DNAH2: variants seen among roughly 807,000 people sequenced by gnomAD.
The protein encoded by DNAH2 is dynein axonemal heavy chain 2.
A neutral mutation model predicts 523.5 loss-of-function variants in DNAH2; 323 were observed. The ratio of observed to expected loss-of-function variants is 0.62; its 90% CI spans 0.56 to 0.68. The LOEUF (loss-of-function observed/expected upper bound fraction) is 0.68, where lower values mean the gene tolerates loss of function less well. Ranked by LOEUF, DNAH2 falls within the 30% of genes least tolerant of loss-of-function variation. The pLI is 0.00. For synonymous variants in DNAH2, 2,093 were observed against 2,177.4 expected (o/e 0.96, Z 1.08); for missense variants, 4,907 against 5,701.5 (o/e 0.86, Z 4.49).
intron 4 of DNAH2, among the ~76,000 whole-genome samples, chr17:7,728,064 G>A (rs2074878779): frequency 6.6e-6 from 1 of 152,146 alleles, no homozygotes; most frequent in African/African-American, 2.4e-5. Context: ...CTTATGAAGG[G>A]CCTTGTATAT....
chr17:7,774,660 C>T, intron 28 of DNAH2, 99 bp from the exon 29 acceptor site: 1 of 1,034,820 alleles, frequency 9.7e-7, no homozygotes, highest in Admixed American at 2.4e-5. Context: ...GTCTGTGCCC[C>T]ACTGTTCAAG....
At chr17:7,731,415 T>C (rs1176018896) in intron 4 of DNAH2, among the ~76,000 whole-genome samples, 2 of 152,070 alleles carry the variant, frequency 1.3e-5, no homozygotes, top group African/African-American at 4.8e-5. Flanking sequence ...AAACATTTAT[T>C]TGAAGCTCAG....
rs1320173257 is a variant in DNAH2, at chr17:7,743,012, G to A, written c.1774G>A (p.Asp592Asn). The A allele has an allele frequency of 6.6e-7, 1 of 1,523,210 alleles. No homozygotes were observed. The highest frequency in any genetic ancestry group is 8.8e-7 in the Non-Finnish European group (1 of 1,139,558). 94.4% of individuals were successfully genotyped at this position (1,523,210 alleles called of 1,614,324 possible). Residue 592 changes from aspartate (D) to asparagine (N), a missense_variant, in exon 12 of 86, where the codon GAT (aspartate) becomes AAT (asparagine). By Grantham distance (23) the Asp-to-Asn change is conservative. Around this residue, in one of 3 missense-constraint regions of DNAH2, gnomAD observed 2,806 missense variants for 3,190.8 expected, o/e 0.88. Coordinates refer to ENST00000572933, the MANE Select transcript of DNAH2 (RefSeq NM_020877.5). ...HTYQQMVQAI[D>N]ELVRKTFQEW... ...CTATCAGCAGATGGTCCAGGCCATT[G>A]ATGAGCTGGTTCGAAAAACCTTCCA... is the stretch of plus-strand genomic sequence containing the variant.
chr17:7,829,349 C>T (rs73232390), intron 77 of DNAH2, among the ~76,000 whole-genome samples: 2,463 of 152,254 alleles, frequency 0.016, 61 homozygotes, highest in African/African-American at 0.055. Context: ...CATCTATCCA[C>T]GGCCCTCCTC....
intron 4 of DNAH2, among the ~76,000 whole-genome samples, chr17:7,730,655 G>A (rs879568082): frequency 1.3e-5 from 2 of 152,136 alleles, no homozygotes; most frequent in Non-Finnish European, 2.9e-5. Context: ...CAAATTAAGA[G>A]ACATATTGGG....
At chr17:7,723,031 G>A (rs537696527) in intron 2 of DNAH2, among the ~76,000 whole-genome samples, 6 of 140,034 alleles carry the variant, frequency 4.3e-5, no homozygotes, top group Non-Finnish European at 7.6e-5. Flanking sequence ...GTGCAGTGGC[G>A]CAATCTCGGC....
At position 7,823,950 on chromosome 17, in the gene DNAH2, T is replaced by A; in HGVS notation, c.11446T>A (p.Phe3816Ile). The change falls in exon 75 of 86, where the codon TTC becomes ATC. Residue 3816 changes from phenylalanine to isoleucine, a missense_variant. By Grantham distance (21) the Phe-to-Ile change is conservative (BLOSUM62 0). Coordinates refer to ENST00000572933, the MANE Select transcript of DNAH2 (RefSeq NM_020877.5). The stretch of plus-strand genomic sequence containing the variant: ...CATCATCACCAACCTTGGCTCCCGC[T>A]TCATCGAGCCGCCTGTGCTGAATAT... ...SFIITNLGSR[F>I]IEPPVLNMKS... 1 of 1,613,826 alleles carries A rather than the reference T, an allele frequency of 6.2e-7. No homozygotes were observed. The highest frequency in any genetic ancestry group is 8.5e-7 in the Non-Finnish European group (1 of 1,180,032).
intron 22 of DNAH2, 80 bp downstream of exon 22, chr17:7,766,561 G>T: frequency 6.9e-7 from 1 of 1,459,056 alleles, no homozygotes; most frequent in Non-Finnish European, 9.2e-7. Context: ...CGCCCACAAA[G>T]GCAGTGGGAA....
In DNAH2 at chr17:7,831,127, G is replaced by T. The variant is rs966807813; in HGVS notation, c.12272G>T (p.Ser4091Ile). The T allele has an allele frequency of 6.2e-7, 1 of 1,614,022 alleles. No individual in the cohort carries two copies. The highest frequency in any genetic ancestry group is 1.7e-5 in the Admixed American group (1 of 60,028). ...LETYFIPKDGSLASYKEYISL... is the reference protein window; with the variant it reads ...LETYFIPKDGILASYKEYISL... ...ACTTATTTCATCCCCAAGGATGGCA[G>T]CCTCGCTTCTTACAAGGAATACATC... Residue 4091 changes from serine to isoleucine, a missense_variant, in exon 80 of 86, where the codon AGC becomes ATC. Coordinates refer to ENST00000572933, the MANE Select transcript of DNAH2 (RefSeq NM_020877.5). This position sits in a 1 kb window ranked among gnomAD's most constrained non-coding sequence, Gnocchi z 4.2.
intron 3 of DNAH2, among the ~76,000 whole-genome samples, chr17:7,724,759 T>TTTTTTTTA (rs2074741583): frequency 6.6e-6 from 1 of 150,594 alleles, no homozygotes. Context: ...TTTTTTTTTC[T>TTTTTTTTA]GAGATGGAGT....
chr17:7,738,533 G>T (rs2075210278), intron 8 of DNAH2, among the ~76,000 whole-genome samples: 1 of 152,066 alleles, frequency 6.6e-6, no homozygotes, highest in South Asian at 2.1e-4. Context: ...GTTTCACCGT[G>T]TTAGCCAGGG....
intron 61 of DNAH2, 51 bp downstream of exon 61, chr17:7,805,444 G>A: frequency 6.2e-7 from 1 of 1,610,576 alleles, no homozygotes; most frequent in African/African-American, 1.3e-5. Context: ...AGTGTTTATT[G>A]ATCGTCGGCT....
At chr17:7,735,856 G>T (rs544701915) in intron 7 of DNAH2, among the ~76,000 whole-genome samples, 2 of 151,934 alleles carry the variant, frequency 1.3e-5, no homozygotes, top group Non-Finnish European at 2.9e-5. Flanking sequence ...GGGTTCAAGC[G>T]ATTCTCCTGC....
intron 75 of DNAH2, 23 bp downstream of exon 75, chr17:7,824,005 C>A: frequency 6.2e-7 from 1 of 1,606,768 alleles, no homozygotes; most frequent in Non-Finnish European, 8.5e-7. Context: ...GCTTCCTTGT[C>A]CCCACGGCCC....
intron 24 of DNAH2, 121 bp downstream of exon 24, chr17:7,768,388 T>C (rs907070617): frequency 7.5e-6 from 7 of 931,430 alleles, no homozygotes; most frequent in Non-Finnish European, 1.1e-5. Flanking sequence ...TGTCCACAAA[T>C]GTATGTCTTT....
chr17:7,821,384 G>A lies in DNAH2; in HGVS notation c.11142+15G>A, dbSNP rs369363185. The A allele has an allele frequency of 1.9e-6, 3 of 1,610,494 alleles. No homozygotes were observed. In the South Asian group the frequency reaches 3.3e-5, roughly 18 times the overall value. On this transcript the variant is annotated intron_variant, in intron 73 of 85. Coordinates refer to ENST00000572933, the MANE Select transcript of DNAH2 (RefSeq NM_020877.5). This position sits in a 1 kb window ranked among gnomAD's most constrained non-coding sequence, Gnocchi z 5.0. Reference sequence around the variant, plus strand: ...GTGGGGGTGTGGTGAGTTGGGCAGAGAGCACATCCCAGGATGGGATGGTCA... The same window carrying A: ...GTGGGGGTGTGGTGAGTTGGGCAGAAAGCACATCCCAGGATGGGATGGTCA...
At position 7,771,311 on chromosome 17, in the gene DNAH2, C is replaced by T. The variant is rs781437686; in HGVS notation, c.4363-19C>T. The T allele has an allele frequency of 1.2e-6, 2 of 1,614,024 alleles. No individual in the cohort carries two copies. The highest frequency in any genetic ancestry group is 2.2e-5 in the East Asian group (1 of 44,882). ...GTGTGTAAGAAGTGGCCTCTCACCC[C>T]AACTTTTGGCCCCCTCAGAATATCT... On this transcript the variant is annotated intron_variant, in intron 27 of 85. Coordinates refer to ENST00000572933, the MANE Select transcript of DNAH2 (RefSeq NM_020877.5).
rs1430389164 is a variant in DNAH2, at chr17:7,830,739, A to G, written c.12127A>G (p.Ile4043Val). Residue 4043 changes from isoleucine (I) to valine (V), a missense_variant, in exon 79 of 86, where the codon ATC becomes GTC. This residue lies in a region of DNAH2 where 1,851 missense variants were observed against 2,139.4 expected (regional missense o/e 0.87). Coordinates refer to ENST00000572933, the MANE Select transcript of DNAH2 (RefSeq NM_020877.5). ...CGCACTTAAGTACCTCATTGCCGGC[A>G]TCAACTATGGTGGACATGTCACAGA... is the stretch of plus-strand genomic sequence containing the variant. ...WDALKYLIAG[I>V]NYGGHVTDDW... The G allele has an allele frequency of 6.2e-7, 1 of 1,614,070 alleles. No individual in the cohort carries two copies. The highest frequency in any genetic ancestry group is 8.5e-7 in the Non-Finnish European group (1 of 1,180,050).
chr17:7,719,682 G>T, intron 1 of DNAH2, 39 bp from the exon 2 acceptor site: 1 of 1,612,948 alleles, frequency 6.2e-7, no homozygotes, highest in East Asian at 2.2e-5. Flanking sequence ...TTCAGGGGTG[G>T]TATCTGCTTG....
Sources: gnomAD v4.1 joint callset for allele counts (sites outside exome capture counted in the v4.1 genomes callset) on GRCh38, gnomAD v4.1.1 for gene constraint, gnomAD v4.1.1 regional missense constraint, Gnocchi (gnomAD v3.1) non-coding constraint, MANE v1.5 for transcripts, NCBI Gene and HGNC (gene_info 2026-07-23, HGNC 2026-07-21) for gene names.